Variants in CFAP54 observed in about 807,000 individuals in gnomAD.
CFAP54 encodes the protein cilia and flagella associated protein 54.
A neutral mutation model predicts 370.4 loss-of-function variants in CFAP54; 290 were observed. That is an observed-to-expected ratio of 0.78 (90% CI 0.71 to 0.86). The LOEUF (loss-of-function observed/expected upper bound fraction) is 0.86. Among genes scored for constraint, CFAP54 ranks in the 40% least tolerant of loss-of-function variants. The pLI is 0.00. For synonymous variants in CFAP54, 1,206 were observed against 1,236.5 expected, an observed-to-expected ratio of 0.98 and a Z score of 0.52; for missense variants, 3,399 against 3,528.7, an observed-to-expected ratio of 0.96 and a Z score of 0.93.
At chr12:96,646,198 C>T (rs1483474125) in intron 33 of CFAP54, 16 of 152,230 alleles carry the variant, frequency 1.1e-4, no homozygotes, top group East Asian at 9.6e-4. Flanking sequence ...TTGCAATCTA[C>T]TCATCTGACA....
intron 26 of CFAP54, among the ~76,000 whole-genome samples, chr12:96,611,420 A>G (rs1200574265): frequency 6.6e-6 from 1 of 152,214 alleles, no homozygotes; most frequent in African/African-American, 2.4e-5. Flanking sequence ...AGTTACATAA[A>G]ACCACAAAGA....
At chr12:96,503,478 C>T (rs1390077471) in intron 2 of CFAP54, among the ~76,000 whole-genome samples, 1 of 137,492 alleles carries the variant, frequency 7.3e-6, no homozygotes, top group Non-Finnish European at 1.5e-5. Flanking sequence ...GCTCGCTCTT[C>T]GTTTCTTTTC....
At chr12:96,659,089 G>A (rs898342801) in intron 38 of CFAP54, among the ~76,000 whole-genome samples, 4 of 152,022 alleles carry the variant, frequency 2.6e-5, no homozygotes, top group Non-Finnish European at 5.9e-5. Context: ...GCACGGTCTC[G>A]GCTCACTGCA....
intron 39 of CFAP54, among the ~76,000 whole-genome samples, chr12:96,668,409 A>G (rs1957105168): frequency 2.0e-5 from 3 of 152,216 alleles, no homozygotes; most frequent in Admixed American, 2.0e-4. Context: ...GAGGCCTCAC[A>G]ATCATGGTGG....
chr12:96,565,542 G>A (rs759788203), intron 19 of CFAP54, among the ~76,000 whole-genome samples: 1 of 152,154 alleles, frequency 6.6e-6, no homozygotes, highest in Non-Finnish European at 1.5e-5. Context: ...GGGGGATATG[G>A]AGCTAAAGGG....
chr12:96,767,483 A>G (rs1463372845), intron 60 of CFAP54, among the ~76,000 whole-genome samples: 1 of 152,216 alleles, frequency 6.6e-6, no homozygotes, highest in Non-Finnish European at 1.5e-5. Flanking sequence ...TTTCCATTTT[A>G]TACCATTAGC....
chr12:96,854,390 G>A (rs577299608), intron 66 of CFAP54, among the ~76,000 whole-genome samples: 1 of 152,156 alleles, frequency 6.6e-6, no homozygotes, highest in Admixed American at 6.5e-5. Context: ...TACCTTGAGT[G>A]TAGGGAAACC....
intron 26 of CFAP54, 86 bp from the exon 27 acceptor site, chr12:96,621,504 C>A: frequency 2.1e-6 from 2 of 963,138 alleles, no homozygotes; most frequent in Non-Finnish European, 1.4e-6. Context: ...CTCTATGGGG[C>A]TTTTGAATTT....
chr12:96,646,679 A>G (rs1956796347), intron 33 of CFAP54: 1 of 152,248 alleles, frequency 6.6e-6, no homozygotes, highest in South Asian at 2.1e-4. Context: ...ACTATTCACA[A>G]TAGCAAAGAC....
chr12:96,871,784 G>A (rs1229584622), intron 67 of CFAP54, among the ~76,000 whole-genome samples: 2 of 152,092 alleles, frequency 1.3e-5, no homozygotes, highest in African/African-American at 2.4e-5. Flanking sequence ...AATGGACTTA[G>A]CAAATTAGGT....
chr12:96,599,310 C>T (rs571462193), intron 26 of CFAP54, among the ~76,000 whole-genome samples: 2 of 152,250 alleles, frequency 1.3e-5, no homozygotes, highest in South Asian at 4.1e-4. Context: ...TTTCCAGCTT[C>T]ATCCATGTCC....
chr12:96,538,571 G>A lies in CFAP54; in HGVS notation c.1926+53G>A, dbSNP rs751759497. The A allele has an allele frequency of 1.6e-5, 24 of 1,511,556 alleles. 1 individual carries two copies. The South Asian group carries it at 2.9e-4, about 18-fold the overall frequency. 93.6% of individuals were successfully genotyped at this position (1,511,556 alleles called of 1,614,324 possible). On this transcript the variant is annotated intron_variant, in intron 13 of 67. Coordinates refer to ENST00000524981, the MANE Select transcript of CFAP54 (RefSeq NM_001306084.2). The stretch of plus-strand genomic sequence containing the variant: ...GTTTTTTTTGCTATTGCTTATTCAA[G>A]TTGCCACACACATTTCAAATCTAAA...
At chr12:96,860,494 G>A (rs1959851425) in intron 66 of CFAP54, among the ~76,000 whole-genome samples, 2 of 152,270 alleles carry the variant, frequency 1.3e-5, no homozygotes, top group African/African-American at 4.8e-5. Context: ...ATGAGAGAGG[G>A]AGATTTGCCA....
At chr12:96,815,198 G>A (rs1005638948) in intron 64 of CFAP54, among the ~76,000 whole-genome samples, 1 of 152,026 alleles carries the variant, frequency 6.6e-6, no homozygotes, top group South Asian at 2.1e-4. Context: ...CTGTTTTTCC[G>A]CATCCTCTCC....
At chr12:96,615,919 T>G (rs571873081) in intron 26 of CFAP54, among the ~76,000 whole-genome samples, 1 of 152,238 alleles carries the variant, frequency 6.6e-6, no homozygotes, top group Non-Finnish European at 1.5e-5. Context: ...TTGGTGGGAC[T>G]GTAAACTAGT....
At chr12:96,857,702 C>T (rs139562923) in intron 66 of CFAP54, among the ~76,000 whole-genome samples, 82 of 152,252 alleles carry the variant, frequency 5.4e-4, no homozygotes, top group African/African-American at 1.9e-3. Flanking sequence ...ATAGTGAGTT[C>T]TCATGAGATC....
At chr12:96,842,096 G>C (rs1398965329) in intron 66 of CFAP54, among the ~76,000 whole-genome samples, 1 of 152,024 alleles carries the variant, frequency 6.6e-6, no homozygotes, top group African/African-American at 2.4e-5. Context: ...CTCTTACTTA[G>C]CCTATCTAAA....
At chr12:96,638,248 TA>T (rs1956684744) in intron 32 of CFAP54, among the ~76,000 whole-genome samples, 1 of 89,448 alleles carries the variant, frequency 1.1e-5, no homozygotes, top group Non-Finnish European at 2.8e-5. Flanking sequence ...TGTGTATATA[TA>T]TATATATTTA....
chr12:96,855,450 A>C (rs780615591), intron 66 of CFAP54, among the ~76,000 whole-genome samples: 1 of 152,242 alleles, frequency 6.6e-6, no homozygotes, highest in Non-Finnish European at 1.5e-5. Flanking sequence ...CTGTAAAATC[A>C]AAAGAAGGTT....
Sources: allele counts gnomAD v4.1 joint callset (sites outside exome capture counted in the v4.1 genomes callset), GRCh38; gene constraint gnomAD v4.1.1; transcripts MANE v1.5; gene names NCBI Gene and HGNC (gene_info 2026-07-23, HGNC 2026-07-21).